The following TNFRSF1A variants were observed in gnomAD, a reference collection of about 807,000 sequenced individuals.
TNFRSF1A encodes tumor necrosis factor receptor superfamily member 1A.
Under a neutral mutation model 41.6 loss-of-function variants are expected in TNFRSF1A, and 9 were observed. The ratio of observed to expected loss-of-function variants is 0.22; its 90% CI spans 0.13 to 0.38. TNFRSF1A has a LOEUF of 0.38. TNFRSF1A is among the 10% of genes least tolerant of loss of function. The pLI is 1.00. For synonymous variants in TNFRSF1A, 254 were observed against 248.6 expected (o/e 1.02, Z -0.21); for missense variants, 463 against 591.5 (o/e 0.78, Z 2.25).
At chr12:6,330,388 T>A in intron 7 of TNFRSF1A, 93 bp from the exon 8 acceptor site, 1 of 1,287,120 alleles carries the variant, frequency 7.8e-7, no homozygotes, top group Non-Finnish European at 1.1e-6. Context: ...TGTGGTGACA[T>A]GCCTCAGGGC....
Position 6,330,659 on chromosome 12 carries a change from G to C in TNFRSF1A, c.678C>G (p.Ser226=), listed in dbSNP as rs104895258. The change falls in exon 7 of 10, where the codon TCC becomes TCG. Residue 226 remains serine (S), a synonymous_variant. Coordinates refer to ENST00000162749, the MANE Select transcript of TNFRSF1A (RefSeq NM_001065.4). ...GATACATTAAACCAATGAAGAGGAG[G>C]GATAAAAGGCAAAGACCAAAGAAAA... ...LVIFFGLCLL[S]LLFIGLMYRY... is the part of the protein sequence containing the mutation. The C allele has an allele frequency of 6.2e-7, 1 of 1,613,928 alleles. No individual in the cohort carries two copies. Among genetic ancestry groups the C allele is most frequent in the Non-Finnish European group, 8.5e-7 (1 of 1,179,862 alleles).
chr12:6,337,139 A>C lies in TNFRSF1A; in HGVS notation c.40-2895T>G, dbSNP rs1592050267. On this transcript the variant is annotated intron_variant, in intron 1 of 9. Transcript: ENST00000162749. This position sits in a 1 kb window ranked among gnomAD's most constrained non-coding sequence, Gnocchi z 4.6. ...TCCAGGTCAGCCCTCTCTGATCCCT[A>C]GGAGCCAGGGCCCTCAGACTCCCCA... 6.6e-6 allele frequency among the ~76,000 whole-genome samples: 1 copy of C among 152,184 alleles called. No homozygotes were observed.
At chr12:6,330,132 T>G in intron 8 of TNFRSF1A, 66 bp from the exon 9 acceptor site, 1 of 1,611,292 alleles carries the variant, frequency 6.2e-7, no homozygotes, top group Non-Finnish European at 8.5e-7. Flanking sequence ...CTCTTTATTC[T>G]ACGTGGGGGT....
At position 6,333,734 on chromosome 12, in the gene TNFRSF1A, C is replaced by T. The variant is rs569107924; in HGVS notation, c.322+3G>A. The T allele has an allele frequency of 1.9e-6, 3 of 1,568,690 alleles. No homozygotes were observed. The African/African-American group carries it at 4.0e-5, about 21-fold the overall frequency. On this transcript the variant is annotated splice_donor_region_variant and intron_variant, in intron 3 of 9. Transcript: ENST00000162749. This position sits in a 1 kb window ranked among gnomAD's most constrained non-coding sequence, Gnocchi z 6.3. The stretch of plus-strand genomic sequence containing the variant: ...CCTGACTCTCCTGCCTGTGCACACT[C>T]ACCCTTTCGGCATTTGGAGCAGCTG...
rs1565471282 is a variant in TNFRSF1A at position 6,341,838 on chromosome 12, T to G, written c.-24A>C. 6.2e-7 allele frequency: 1 copy of G among 1,613,942 alleles called. No individual in the cohort carries two copies. The highest frequency in any genetic ancestry group is 1.7e-5 in the Admixed American group (1 of 60,012). ...ATGCCAGACAGCTATGGCCTCTCAC[T>G]CCCCCATTTGGGCTCAGGGCAGTGT... On this transcript the variant is annotated 5_prime_UTR_variant, in exon 1 of 10. Transcript: ENST00000162749. The surrounding 1 kb of genome is among the most constrained non-coding windows in gnomAD (Gnocchi z 4.6).
In TNFRSF1A at chr12:6,330,728, T is replaced by C. The variant is rs1189940274; in HGVS notation, c.626-17A>G. On this transcript the variant is annotated splice_polypyrimidine_tract_variant and intron_variant, in intron 6 of 9. Coordinates refer to ENST00000162749, the MANE Select transcript of TNFRSF1A (RefSeq NM_001065.4). Reference sequence around the variant, plus strand: ...CTGTGGTGCCTGCAGACAAAGCAGGTGTTGGTCAGAGGAGCGGGCAGAGGG... The same window carrying C: ...CTGTGGTGCCTGCAGACAAAGCAGGCGTTGGTCAGAGGAGCGGGCAGAGGG... 3 of 1,605,090 alleles carry C rather than the reference T, an allele frequency of 1.9e-6. No homozygotes were observed. The highest frequency in any genetic ancestry group is 8.5e-7 in the Non-Finnish European group (1 of 1,172,300).
At position 6,328,833 on chromosome 12, in the gene TNFRSF1A, T is replaced by C. The variant is rs201533866; in HGVS notation, c.*479A>G. The C allele has an allele frequency of 3.1e-5, 5 of 160,296 alleles. No homozygotes were observed. The South Asian group carries it at 1.0e-3, about 32-fold the overall frequency. The allele number at this position is 160,296 out of a possible 1,614,324, so 9.9% of individuals were successfully genotyped here. On this transcript the variant is annotated 3_prime_UTR_variant, in exon 10 of 10. Transcript: ENST00000162749. ...CAGCTCCAGCTGAAGGCCCCATTGT[T>C]CCGTGCTCGCCCCTGCCTTAGGACA...
chr12:6,332,390 C>T (rs1371315974), intron 5 of TNFRSF1A, among the ~76,000 whole-genome samples: 1 of 144,976 alleles, frequency 6.9e-6, no homozygotes, highest in South Asian at 2.2e-4. Flanking sequence ...GCCACGGTTG[C>T]ACCACTGCAC....
chr12:6,338,343 C>G (rs371960398), intron 1 of TNFRSF1A, among the ~76,000 whole-genome samples: 2 of 152,122 alleles, frequency 1.3e-5, no homozygotes, highest in Non-Finnish European at 2.9e-5. Context: ...GAGGCCTCCC[C>G]CTGTGATCTC....
chr12:6,334,708 C>T lies in TNFRSF1A; in HGVS notation c.40-464G>A, dbSNP rs897343222. 1.3e-5 allele frequency among the ~76,000 whole-genome samples: 2 copies of T among 152,120 alleles called. No individual in the cohort carries two copies. Among genetic ancestry groups the T allele is most frequent in the Admixed American group, 6.5e-5 (1 of 15,268 alleles). Reference sequence around the variant, plus strand: ...AGAGGCAGGGTCTTGTTACGTTGCTCAGACTGGTCTCAAAATCCTGGGCTC... The same window carrying T: ...AGAGGCAGGGTCTTGTTACGTTGCTTAGACTGGTCTCAAAATCCTGGGCTC... On this transcript the variant is annotated intron_variant, in intron 1 of 9. Transcript: ENST00000162749. The surrounding 1 kb of genome is among the most constrained non-coding windows in gnomAD (Gnocchi z 5.1).
At chr12:6,329,711 G>A (rs1948009606) in intron 9 of TNFRSF1A, 67 bp downstream of exon 9, 4 of 1,542,708 alleles carry the variant, frequency 2.6e-6, no homozygotes, top group Non-Finnish European at 1.7e-6. Context: ...GTCCCCTCTG[G>A]GAGCGCCTCC....
chr12:6,332,730 A>G (rs1295269293), intron 5 of TNFRSF1A, among the ~76,000 whole-genome samples: 1 of 152,224 alleles, frequency 6.6e-6, no homozygotes, highest in Non-Finnish European at 1.5e-5. Flanking sequence ...TGCCAATTCA[A>G]CCATGATGAG....
intron 1 of TNFRSF1A, among the ~76,000 whole-genome samples, chr12:6,339,296 C>T (rs746592149): frequency 2.0e-5 from 3 of 152,172 alleles, no homozygotes; most frequent in Non-Finnish European, 4.4e-5. Context: ...TGAGGCTTTC[C>T]CTCCGCCATC....
intron 8 of TNFRSF1A, 52 bp from the exon 9 acceptor site, chr12:6,330,118 G>A (rs1343442322): frequency 1.9e-6 from 3 of 1,612,238 alleles, no homozygotes; most frequent in Non-Finnish European, 2.5e-6. Flanking sequence ...AACCAGCCCC[G>A]GCCCTCTTTA....
At position 6,341,138 on chromosome 12, in the gene TNFRSF1A, G is replaced by A. The variant is rs370283522; in HGVS notation, c.39+638C>T. Among the ~76,000 whole-genome samples the A allele has an allele frequency of 6.6e-6, 1 of 152,104 alleles. No individual in the cohort carries two copies. Among genetic ancestry groups the A allele is most frequent in the East Asian group, 1.9e-4 (1 of 5,180 alleles). ...AGGTGAGAGGCCGGGGCTTGGCCAGGGCACTGGGGACACTGTCCACTGGGT... is the reference window on the plus strand; with the variant it reads ...AGGTGAGAGGCCGGGGCTTGGCCAGAGCACTGGGGACACTGTCCACTGGGT... On this transcript the variant is annotated intron_variant, in intron 1 of 9. Coordinates refer to ENST00000162749, the MANE Select transcript of TNFRSF1A (RefSeq NM_001065.4). The surrounding 1 kb of genome is among the most constrained non-coding windows in gnomAD (Gnocchi z 4.6).
chr12:6,330,602 G>A lies in TNFRSF1A; in HGVS notation c.735C>T (p.Ser245=), dbSNP rs1281918948. 1 of 1,610,316 alleles carries A rather than the reference G, an allele frequency of 6.2e-7. No individual in the cohort carries two copies. The highest frequency in any genetic ancestry group is 2.2e-5 in the East Asian group (1 of 44,862). Residue 245 remains serine, a synonymous_variant, in exon 7 of 10, where the codon TCC becomes TCT. Transcript: ENST00000162749. The part of the protein sequence containing the change: ...RYQRWKSKLY[S]IVCGKSTPEK... ...CCTCCCAAAGCCCCCACTCACCAAT[G>A]GAGTAGAGCTTGGACTTCCACCGTT...
At chr12:6,329,732 CG>C in intron 9 of TNFRSF1A, 45 bp downstream of exon 9, 1 of 1,567,826 alleles carries the variant, frequency 6.4e-7, no homozygotes, top group African/African-American at 1.4e-5. Context: ...CGCGCTCCCC[CG>C]GCCCTCCCCC....
Position 6,333,227 on chromosome 12 carries a change from A to T in TNFRSF1A, c.473-80T>A, listed in dbSNP as rs1254346112. ...CAGGACAGAGGAAGTGACGAGGGAC[A>T]GGGTGGGGGCGGCCAGAGAGGAGTT... On this transcript the variant is annotated intron_variant, in intron 4 of 9. Transcript: ENST00000162749. The surrounding 1 kb of genome is among the most constrained non-coding windows in gnomAD (Gnocchi z 6.3). The T allele has an allele frequency of 6.4e-7, 1 of 1,561,468 alleles. No individual in the cohort carries two copies.
rs1346560108 is a variant in TNFRSF1A, at chr12:6,341,448, C to T, written c.39+328G>A. On this transcript the variant is annotated intron_variant, in intron 1 of 9. Transcript: ENST00000162749. This position sits in a 1 kb window ranked among gnomAD's most constrained non-coding sequence, Gnocchi z 4.6. The stretch of plus-strand genomic sequence containing the variant: ...TACTCCCACTCCCTTCTTTTCCCCG[C>T]CAAATCTGCCCCACCCTGGGCCTAT... Among the ~76,000 whole-genome samples, 1 of 152,248 alleles carries T rather than the reference C, an allele frequency of 6.6e-6. No homozygotes were observed. Among genetic ancestry groups the T allele is most frequent in the Non-Finnish European group, 1.5e-5 (1 of 68,054 alleles).
Sources: allele counts gnomAD v4.1 joint callset (sites outside exome capture counted in the v4.1 genomes callset), GRCh38; gene constraint gnomAD v4.1.1; non-coding constraint Gnocchi (gnomAD v3.1); transcripts MANE v1.5; gene names NCBI Gene and HGNC (gene_info 2026-07-23, HGNC 2026-07-21).